The following TGFBR3 variants were observed in gnomAD, a reference collection of about 807,000 sequenced individuals.
TGFBR3 encodes the protein transforming growth factor beta receptor type 3.
TGFBR3 carries 46 observed loss-of-function variants against 87.9 expected under a neutral mutation model. The ratio of observed to expected loss-of-function variants is 0.52; its 90% CI spans 0.41 to 0.67. The LOEUF (loss-of-function observed/expected upper bound fraction) is 0.67, where lower values mean the gene tolerates loss of function less well. Among genes scored for constraint, TGFBR3 ranks in the 30% least tolerant of loss-of-function variants. The pLI is 0.00. For missense variants in TGFBR3, 866 were observed against 1,041.9 expected, an observed-to-expected ratio of 0.83 and a Z score of 2.32; for synonymous variants, 381 against 391.6, an observed-to-expected ratio of 0.97 and a Z score of 0.32.
At chr1:91,763,887 C>T (rs1246818825) in intron 3 of TGFBR3, among the ~76,000 whole-genome samples, 1 of 152,184 alleles carries the variant, frequency 6.6e-6, no homozygotes, top group Non-Finnish European at 1.5e-5. Flanking sequence ...GGAACCCCTA[C>T]AGCTGATATT....
At chr1:91,855,967 G>A (rs1677927043) in intron 2 of TGFBR3, among the ~76,000 whole-genome samples, 1 of 151,236 alleles carries the variant, frequency 6.6e-6, no homozygotes, top group South Asian at 2.1e-4. Context: ...AGGCATTATG[G>A]TCCTTACACA....
chr1:91,831,461 T>A (rs1161877523), intron 2 of TGFBR3, among the ~76,000 whole-genome samples: 2 of 152,158 alleles, frequency 1.3e-5, no homozygotes, highest in African/African-American at 4.8e-5. Flanking sequence ...CCCAGAAACA[T>A]ATGCTTCTGT....
intron 3 of TGFBR3, among the ~76,000 whole-genome samples, chr1:91,772,065 TAAA>T (rs1488804292): frequency 6.6e-6 from 1 of 152,058 alleles, no homozygotes; most frequent in Non-Finnish European, 1.5e-5. Context: ...CAAAAAAGAA[TAAA>T]GAAGAATGTC....
In TGFBR3 at chr1:91,846,988, A is replaced by G. The variant is rs973355451; in HGVS notation, c.61+14483T>C. Reference sequence around the variant, plus strand: ...TCAGGACTTTTCTGGTTCAATTTCAAAAGCAGAATGACCACCACCTGAGTC... The same window carrying G: ...TCAGGACTTTTCTGGTTCAATTTCAGAAGCAGAATGACCACCACCTGAGTC... On this transcript the variant is annotated intron_variant, in intron 2 of 16. Transcript: ENST00000212355. Among the ~76,000 whole-genome samples, 7 of 152,208 alleles carry G rather than the reference A, an allele frequency of 4.6e-5. 1 individual carries two copies. Among genetic ancestry groups the G allele is most frequent in the African/African-American group, 1.7e-4 (7 of 41,452 alleles).
intron 3 of TGFBR3, among the ~76,000 whole-genome samples, chr1:91,762,816 T>G (rs147034504): frequency 8.5e-5 from 13 of 152,312 alleles, no homozygotes; most frequent in Middle Eastern, 3.4e-3. Flanking sequence ...ACATACAATT[T>G]TATAAAGAAA....
intron 1 of TGFBR3, among the ~76,000 whole-genome samples, chr1:91,876,561 T>TA (rs34028008): frequency 0.087 from 13,291 of 151,994 alleles, 1,337 homozygotes; most frequent in East Asian, 0.4. Context: ...CAAAGCATGG[T>TA]AAAAAAATTC....
intron 1 of TGFBR3, among the ~76,000 whole-genome samples, chr1:91,901,748 TAA>T (rs112378998): frequency 2.8e-5 from 4 of 143,892 alleles, no homozygotes; most frequent in African/African-American, 2.6e-5. Flanking sequence ...ACCTGGTGCT[TAA>T]AAAAAAAAAA....
rs570933377 is a variant in TGFBR3 at position 91,683,089 on chromosome 1, T to C, written c.*650A>G. 1.3e-4 allele frequency: 57 copies of C among 454,362 alleles called. 2 individuals are homozygous for C. The Middle Eastern group carries it at 8.9e-3, about 71-fold the overall frequency. 28.1% of individuals were successfully genotyped at this position (454,362 alleles called of 1,614,324 possible). A position where few individuals can be genotyped will look rare whatever the true frequency, so the allele number is the denominator to read the frequency against. On this transcript the variant is annotated 3_prime_UTR_variant, in exon 17 of 17. Transcript: ENST00000212355. ...CAGGAAGCTGATAAGGTCATCAGCA[T>C]TGGTTTTGGCCCAGGGCACAAGAAA...
intron 2 of TGFBR3, among the ~76,000 whole-genome samples, chr1:91,840,196 C>T (rs1286566118): frequency 1.3e-5 from 2 of 150,484 alleles, no homozygotes; most frequent in South Asian, 2.1e-4. Flanking sequence ...GTGGCGTGCA[C>T]CTGAAGTCCC....
intron 1 of TGFBR3, among the ~76,000 whole-genome samples, chr1:91,862,610 C>T (rs138186367): frequency 1.2e-3 from 186 of 152,268 alleles, no homozygotes; most frequent in African/African-American, 4.1e-3. Flanking sequence ...ATTCCTCACA[C>T]GGCCCTAATG....
At chr1:91,845,174 G>T (rs568982908) in intron 2 of TGFBR3, among the ~76,000 whole-genome samples, 27 of 152,308 alleles carry the variant, frequency 1.8e-4, no homozygotes, top group African/African-American at 6.3e-4. Context: ...ACAACATCAC[G>T]AAATGTTTCG....
At chr1:91,716,141 A>T in intron 12 of TGFBR3, 95 bp downstream of exon 12, 1 of 1,473,802 alleles carries the variant, frequency 6.8e-7, no homozygotes. Flanking sequence ...GTGAGGTAGG[A>T]CAGGAAGAGG....
chr1:91,864,926 G>A (rs1678331272), intron 1 of TGFBR3, among the ~76,000 whole-genome samples: 1 of 152,078 alleles, frequency 6.6e-6, no homozygotes, highest in Non-Finnish European at 1.5e-5. Flanking sequence ...GTTCTGGCTG[G>A]GCACAGTGGC....
In TGFBR3 at chr1:91,682,479, C is replaced by T. The variant is rs766463714; in HGVS notation, c.*1260G>A. 7 of 441,310 alleles carry T rather than the reference C, an allele frequency of 1.6e-5. No homozygotes were observed. Among genetic ancestry groups the T allele is most frequent in the South Asian group, 1.1e-4 (7 of 64,072 alleles). The allele number at this position is 441,310 out of a possible 1,614,324, so 27.3% of individuals were successfully genotyped here. On this transcript the variant is annotated 3_prime_UTR_variant, in exon 17 of 17. Coordinates refer to ENST00000212355, the MANE Select transcript of TGFBR3 (RefSeq NM_003243.5). ...AGCTGCAAAGTGGCATCATATTATTCCATTTAATGAAATTCACCTCAAGCC... is the reference window on the plus strand; with the variant it reads ...AGCTGCAAAGTGGCATCATATTATTTCATTTAATGAAATTCACCTCAAGCC...
At chr1:91,764,224 A>G (rs958670908) in intron 3 of TGFBR3, among the ~76,000 whole-genome samples, 1 of 140,094 alleles carries the variant, frequency 7.1e-6, no homozygotes, top group Non-Finnish European at 1.5e-5. Flanking sequence ...CTGTCAGTCT[A>G]TTTCAAAACT....
chr1:91,898,537 C>T (rs933955777), intron 2 of TGFBR3, among the ~76,000 whole-genome samples: 3 of 152,000 alleles, frequency 2.0e-5, no homozygotes, highest in Admixed American at 1.3e-4. Context: ...CCCGGGTTCA[C>T]GCCATTCTCC....
At chr1:91,801,099 AAG>A (rs374344523) in intron 2 of TGFBR3, 77 of 175,034 alleles carry the variant, frequency 4.4e-4, no homozygotes, top group South Asian at 1.0e-3. Flanking sequence ...AAAAAAAAAA[AAG>A]AGAGAGAGAG....
chr1:91,896,662 T>A (rs1211327753), intron 2 of TGFBR3, among the ~76,000 whole-genome samples: 2 of 151,960 alleles, frequency 1.3e-5, no homozygotes, highest in East Asian at 3.9e-4. Context: ...AGAGAAAGAG[T>A]CAGATACAGG....
At chr1:91,793,303 T>C (rs1048890330) in intron 3 of TGFBR3, among the ~76,000 whole-genome samples, 4 of 152,172 alleles carry the variant, frequency 2.6e-5, no homozygotes, top group African/African-American at 7.2e-5. Context: ...TGATTTATAA[T>C]AGATCTTGAT....
Sources: gnomAD v4.1 joint callset for allele counts (sites outside exome capture counted in the v4.1 genomes callset) on GRCh38, gnomAD v4.1.1 for gene constraint, MANE v1.5 for transcripts, NCBI Gene and HGNC (gene_info 2026-07-23, HGNC 2026-07-21) for gene names.